SLC6A3: variants seen among roughly 807,000 people sequenced by gnomAD.
SLC6A3 encodes the protein solute carrier family 6 member 3.
Under a neutral mutation model 70.4 loss-of-function variants are expected in SLC6A3, and 19 were observed. The observed-to-expected ratio is 0.27, with a 90% CI of 0.19 to 0.40. SLC6A3 has a LOEUF of 0.40. Ranked by LOEUF, SLC6A3 falls within the 10% of genes least tolerant of loss-of-function variation. SLC6A3 has a pLI of 1.00. For missense variants in SLC6A3, 613 were observed against 838.5 expected, an observed-to-expected ratio of 0.73 and a Z score of 3.32; for synonymous variants, 368 against 356.6, an observed-to-expected ratio of 1.03 and a Z score of -0.36.
chr5:1,408,894 C>A lies in SLC6A3; in HGVS notation c.1498+132G>T. 1.4e-6 allele frequency: 1 copy of A among 714,270 alleles called. No individual in the cohort carries two copies. The highest frequency in any genetic ancestry group is 1.5e-5 in the South Asian group (1 of 66,838). The allele number at this position is 714,270 out of a possible 1,614,324, so 44.2% of individuals were successfully genotyped here. A position where few individuals can be genotyped will look rare whatever the true frequency, so the allele number is the denominator to read the frequency against. On this transcript the variant is annotated intron_variant, in intron 11 of 14. Transcript: ENST00000270349. This position sits in a 1 kb window ranked among gnomAD's most constrained non-coding sequence, Gnocchi z 6.4. ...ACCAGTGCCAAGCCTCTCCCCTCTG[C>A]GGAGCTGTGATGACCACAACCCAGG...
intron 9 of SLC6A3, among the ~76,000 whole-genome samples, chr5:1,410,715 T>C (rs1343986280): frequency 6.6e-6 from 1 of 152,166 alleles, no homozygotes; most frequent in Admixed American, 6.5e-5. Context: ...AAGGACCTGC[T>C]GTGTGCCCTC....
Position 1,443,250 on chromosome 5 carries a change from C to G in SLC6A3, c.-45-8G>C. 2 of 1,593,092 alleles carry G rather than the reference C, an allele frequency of 1.3e-6. No homozygotes were observed. Among genetic ancestry groups the G allele is most frequent in the East Asian group, 2.2e-5 (1 of 44,762 alleles). On this transcript the variant is annotated splice_polypyrimidine_tract_variant and splice_region_variant and intron_variant, in intron 1 of 14. Transcript: ENST00000270349. Reference sequence around the variant, plus strand: ...TGCTTCTTCCCTCTTGGTCTTCAGCCAATATGAAAAATAAACACACAACAG... The same window carrying G: ...TGCTTCTTCCCTCTTGGTCTTCAGCGAATATGAAAAATAAACACACAACAG...
In SLC6A3 at chr5:1,406,148, G is replaced by A; in HGVS notation, c.1599+40C>T. 6.9e-7 allele frequency: 1 copy of A among 1,453,116 alleles called. No homozygotes were observed. The highest frequency in any genetic ancestry group is 1.1e-5 in the South Asian group (1 of 87,984). 90.0% of individuals were successfully genotyped at this position (1,453,116 alleles called of 1,614,324 possible). ...GGGCAGGTGCCAGAGTGGGGGCAGTGGGCAGACGGGGGAAGGGCAGGTGGC... is the reference window on the plus strand; with the variant it reads ...GGGCAGGTGCCAGAGTGGGGGCAGTAGGCAGACGGGGGAAGGGCAGGTGGC... On this transcript the variant is annotated intron_variant, in intron 12 of 14. Coordinates refer to ENST00000270349, the MANE Select transcript of SLC6A3 (RefSeq NM_001044.5). This position sits in a 1 kb window ranked among gnomAD's most constrained non-coding sequence, Gnocchi z 8.8.
In SLC6A3 at chr5:1,437,876, G is replaced by A. The variant is rs763104278; in HGVS notation, c.418+3483C>T. Among the ~76,000 whole-genome samples, 3 of 152,182 alleles carry A rather than the reference G, an allele frequency of 2.0e-5. No homozygotes were observed. The highest frequency in any genetic ancestry group is 2.0e-4 in the Admixed American group (3 of 15,274). On this transcript the variant is annotated intron_variant, in intron 3 of 14. Coordinates refer to ENST00000270349, the MANE Select transcript of SLC6A3 (RefSeq NM_001044.5). The surrounding 1 kb of genome is among the most constrained non-coding windows in gnomAD (Gnocchi z 4.8). ...TTTAGCTGATGTCTTAATTTACCACGTGGCACTTCTATTCAATGAGACATG... is the reference window on the plus strand; with the variant it reads ...TTTAGCTGATGTCTTAATTTACCACATGGCACTTCTATTCAATGAGACATG...
chr5:1,441,529 A>G (rs1020621101), intron 2 of SLC6A3, 39 bp from the exon 3 acceptor site: 4 of 1,608,638 alleles, frequency 2.5e-6, no homozygotes, highest in African/African-American at 2.7e-5. Context: ...GGGGCCTCGG[A>G]AGGGCCCATC....
At chr5:1,441,207 G>T in intron 3 of SLC6A3, 152 bp downstream of exon 3, 1 of 874,544 alleles carries the variant, frequency 1.1e-6, no homozygotes, top group East Asian at 2.5e-5. Flanking sequence ...AGATCTTTAA[G>T]GTGGGACCCA....
rs1756183554 is a variant in SLC6A3, at chr5:1,413,803, G to C, written c.1156+888C>G. Among the ~76,000 whole-genome samples, 1 of 152,164 alleles carries C rather than the reference G, an allele frequency of 6.6e-6. No homozygotes were observed. The highest frequency in any genetic ancestry group is 2.1e-4 in the South Asian group (1 of 4,830). ...TGGAGCTCTCGGTTGGCCCAAGTTA[G>C]GGCTGCCAACGCCACAGCTTTCCAC... On this transcript the variant is annotated intron_variant, in intron 8 of 14. Transcript: ENST00000270349. The surrounding 1 kb of genome is among the most constrained non-coding windows in gnomAD (Gnocchi z 7.1).
rs28363146 is a variant in SLC6A3 at position 1,401,199 on chromosome 5, C to T, written c.1768-213G>A. 75 of 698,982 alleles carry T rather than the reference C, an allele frequency of 1.1e-4. No homozygotes were observed. Among genetic ancestry groups the T allele is most frequent in the African/African-American group, 9.6e-4 (55 of 57,180 alleles). 43.3% of individuals were successfully genotyped at this position (698,982 alleles called of 1,614,324 possible). Reference sequence around the variant, plus strand: ...TGCCGACCAGACAGCCAGTCAGGCCCGAAGCCAACATCCTGACGGTCCCCT... The same window carrying T: ...TGCCGACCAGACAGCCAGTCAGGCCTGAAGCCAACATCCTGACGGTCCCCT... On this transcript the variant is annotated intron_variant, in intron 13 of 14. Coordinates refer to ENST00000270349, the MANE Select transcript of SLC6A3 (RefSeq NM_001044.5). This position sits in a 1 kb window ranked among gnomAD's most constrained non-coding sequence, Gnocchi z 6.1.
intron 4 of SLC6A3, among the ~76,000 whole-genome samples, chr5:1,423,865 C>T (rs888515850): frequency 6.6e-6 from 1 of 152,254 alleles, no homozygotes; most frequent in African/African-American, 2.4e-5. Context: ...ATGAAAGGAG[C>T]TCCCACTGCC....
intron 6 of SLC6A3, among the ~76,000 whole-genome samples, chr5:1,417,300 A>G (rs1579712213): frequency 6.6e-6 from 1 of 152,128 alleles, no homozygotes; most frequent in Non-Finnish European, 1.5e-5. Context: ...TGGCGCCCTG[A>G]CAACCCTCAG....
chr5:1,427,482 G>C lies in SLC6A3; in HGVS notation c.653+4982C>G, dbSNP rs58580670. On this transcript the variant is annotated intron_variant, in intron 4 of 14. Coordinates refer to ENST00000270349, the MANE Select transcript of SLC6A3 (RefSeq NM_001044.5). ...GAAACAAGAAACAAAGAAGAGAGGGGGCAAAAAATTAGCACAATGAAAGAC... is the reference window on the plus strand; with the variant it reads ...GAAACAAGAAACAAAGAAGAGAGGGCGCAAAAAATTAGCACAATGAAAGAC... 9.7e-3 allele frequency among the ~76,000 whole-genome samples: 1,475 copies of C among 151,956 alleles called. 20 individuals are homozygous for C. The highest frequency in any genetic ancestry group is 0.033 in the African/African-American group (1,388 of 41,444).
chr5:1,430,206 T>C (rs573080289), intron 4 of SLC6A3, among the ~76,000 whole-genome samples: 1 of 152,240 alleles, frequency 6.6e-6, no homozygotes, highest in South Asian at 2.1e-4. Context: ...TCTCTCCTCC[T>C]GCTGGGTACT....
At chr5:1,428,059 G>A (rs927577527) in intron 4 of SLC6A3, among the ~76,000 whole-genome samples, 3 of 151,978 alleles carry the variant, frequency 2.0e-5, no homozygotes, top group African/African-American at 7.3e-5. Flanking sequence ...CTTTCTAGGT[G>A]CATGTGGAAC....
chr5:1,436,181 G>T lies in SLC6A3; in HGVS notation c.419-3483C>A, dbSNP rs1330069858. On this transcript the variant is annotated intron_variant, in intron 3 of 14. Coordinates refer to ENST00000270349, the MANE Select transcript of SLC6A3 (RefSeq NM_001044.5). This position sits in a 1 kb window ranked among gnomAD's most constrained non-coding sequence, Gnocchi z 5.2. The stretch of plus-strand genomic sequence containing the variant: ...GCTCCAAGCCCTGCCCTTCAGGAAG[G>T]CAGAGCCCGTGACCTGGGCCACTGA... 6.6e-6 allele frequency among the ~76,000 whole-genome samples: 1 copy of T among 152,218 alleles called. No homozygotes were observed. Among genetic ancestry groups the T allele is most frequent in the African/African-American group, 2.4e-5 (1 of 41,458 alleles).
chr5:1,416,150 C>T lies in SLC6A3; in HGVS notation c.979G>A (p.Gly327Arg), dbSNP rs765108532. 4 of 1,613,862 alleles carry T rather than the reference C, an allele frequency of 2.5e-6. No individual in the cohort carries two copies. The highest frequency in any genetic ancestry group is 3.4e-6 in the Non-Finnish European group (4 of 1,180,000). Residue 327 changes from glycine to arginine, a missense_variant, in exon 7 of 15, where the codon GGG becomes AGG. Gly to Arg is a moderately radical substitution (Grantham distance 125). Around this residue, in one of 4 missense-constraint regions of SLC6A3, gnomAD observed 348 missense variants for 481.2 expected, o/e 0.72. Transcript: ENST00000270349. ...TAGCTGGAGAAGGCGATCAGCACCC[C>T]GAACCCCACGCCCAGGGAGAAGCAC... is the stretch of plus-strand genomic sequence containing the variant. ...QVCFSLGVGF[G>R]VLIAFSSYNK...
At position 1,421,178 on chromosome 5, in the gene SLC6A3, G is replaced by GTTTGT. The variant is rs1327569890; in HGVS notation, c.793-476_793-475insACAAA. On this transcript the variant is annotated intron_variant, in intron 5 of 14. Transcript: ENST00000270349. This position sits in a 1 kb window ranked among gnomAD's most constrained non-coding sequence, Gnocchi z 7.2. ...GGTTTTGGCCCATATAACAACCAAA[G>GTTTGT]TTTTTTTTTTTTTTTTGAGATGGAG... Among the ~76,000 whole-genome samples, 4 of 137,980 alleles carry GTTTGT rather than the reference G, an allele frequency of 2.9e-5. No homozygotes were observed. The highest frequency in any genetic ancestry group is 8.4e-5 in the African/African-American group (3 of 35,906). The allele number at this position is 137,980 out of a possible 152,430, so 90.5% of individuals were successfully genotyped here.
At chr5:1,419,204 C>T (rs1488482994) in intron 6 of SLC6A3, among the ~76,000 whole-genome samples, 1 of 151,664 alleles carries the variant, frequency 6.6e-6, no homozygotes, top group Non-Finnish European at 1.5e-5. Flanking sequence ...TCCATTCCTC[C>T]ATCCACCCAT....
rs1237770830 is a variant in SLC6A3 at position 1,443,018 on chromosome 5, C to A, written c.180G>T (p.Arg60=). 2.5e-6 allele frequency: 4 copies of A among 1,614,068 alleles called. No homozygotes were observed. The highest frequency in any genetic ancestry group is 2.7e-5 in the African/African-American group (2 of 74,932). The change falls in exon 2 of 15, where the codon CGG becomes CGT. Residue 60 remains arginine (R), a synonymous_variant. Transcript: ENST00000270349. ...AGTCGATCTTCTTGCCCCAGGTCTC[C>A]CGATCCTGGGCCTCCACGGGGCTCT... is the stretch of plus-strand genomic sequence containing the variant. ...PRQSPVEAQD[R]ETWGKKIDFL...
Position 1,392,954 on chromosome 5 carries a change from C to T in SLC6A3, c.*1781G>A, listed in dbSNP as rs1215860223. On this transcript the variant is annotated 3_prime_UTR_variant, in exon 15 of 15. Coordinates refer to ENST00000270349, the MANE Select transcript of SLC6A3 (RefSeq NM_001044.5). ...TGTGCTGACTGCAGCAGCCAGAAGG[C>T]GATGGGGAAGCTGTCCTCTGTGTCC... 1.3e-5 allele frequency: 2 copies of T among 151,194 alleles called. No individual in the cohort carries two copies. The highest frequency in any genetic ancestry group is 2.9e-5 in the Non-Finnish European group (2 of 67,964). The allele number at this position is 151,194 out of a possible 1,614,324, so 9.4% of individuals were successfully genotyped here.
Sources: allele counts gnomAD v4.1 joint callset (sites outside exome capture counted in the v4.1 genomes callset), GRCh38; gene constraint gnomAD v4.1.1; regional missense constraint gnomAD v4.1.1; non-coding constraint Gnocchi (gnomAD v3.1); transcripts MANE v1.5; gene names NCBI Gene and HGNC (gene_info 2026-07-23, HGNC 2026-07-21).